Variants in KLHL2 observed in about 807,000 individuals in gnomAD.
KLHL2 encodes kelch like family member 2, also known as kelch-like protein 2.
Under a neutral mutation model 75.8 loss-of-function variants are expected in KLHL2, and 15 were observed. That is an observed-to-expected ratio of 0.20 (90% CI 0.13 to 0.30). KLHL2 has a LOEUF of 0.30. Among genes scored for constraint, KLHL2 ranks in the 10% least tolerant of loss-of-function variants. KLHL2 has a pLI of 1.00. For synonymous variants in KLHL2, 214 were observed against 251.9 expected (o/e 0.85, Z 1.42); for missense variants, 381 against 741.0 (o/e 0.51, Z 5.64).
At chr4:165,281,898 T>C (rs1380013108) in intron 5 of KLHL2, among the ~76,000 whole-genome samples, 2 of 152,236 alleles carry the variant, frequency 1.3e-5, no homozygotes, top group East Asian at 1.9e-4. Flanking sequence ...ATTGCAGTTA[T>C]GGTATTTGTT....
At chr4:165,320,873 C>A (rs1746923564) in intron 14 of KLHL2, among the ~76,000 whole-genome samples, 1 of 152,092 alleles carries the variant, frequency 6.6e-6, no homozygotes, top group Non-Finnish European at 1.5e-5. Flanking sequence ...TGGAGAAATT[C>A]AAGAGCTAAT....
rs761019129 is a variant in KLHL2 at position 165,238,821 on chromosome 4, G to T, written c.303G>T (p.Glu101Asp). The change falls in exon 4 of 15, where the codon GAG (glutamate) becomes GAT (aspartate). Residue 101 changes from glutamate to aspartate, a missense_variant. Physicochemically the swap from Glu to Asp is conservative, Grantham distance 45. Transcript: ENST00000226725. ...ESRAKRVRIK[E>D]VDGWTLRMLI... ...GAGCAAAGAGAGTTAGAATAAAAGA[G>T]GTAGATGGCTGGACCCTGAGGATGC... The T allele has an allele frequency of 2.5e-6, 4 of 1,614,014 alleles. No homozygotes were observed. Among genetic ancestry groups the T allele is most frequent in the Non-Finnish European group, 2.5e-6 (3 of 1,180,014 alleles).
At chr4:165,302,660 T>C (rs1745431592) in intron 8 of KLHL2, among the ~76,000 whole-genome samples, 1 of 152,190 alleles carries the variant, frequency 6.6e-6, no homozygotes, top group Non-Finnish European at 1.5e-5. Flanking sequence ...GGAATCTGTA[T>C]TTTTATAAGG....
intron 5 of KLHL2, chr4:165,279,065 A>G: frequency 2.0e-6 from 3 of 1,519,440 alleles, no homozygotes; most frequent in Non-Finnish European, 2.7e-6. Context: ...TGTACAGTGG[A>G]CACCTCCATT....
At chr4:165,210,928 T>A (rs1242403340) in intron 1 of KLHL2, among the ~76,000 whole-genome samples, 10 of 151,360 alleles carry the variant, frequency 6.6e-5, no homozygotes, top group African/African-American at 2.5e-4. Context: ...CAAGTCGGCT[T>A]ACTCTCTGTA....
At chr4:165,249,464 G>C (rs1740515329) in intron 4 of KLHL2, among the ~76,000 whole-genome samples, 1 of 152,160 alleles carries the variant, frequency 6.6e-6, no homozygotes, top group African/African-American at 2.4e-5. Flanking sequence ...CAAGGAAAGG[G>C]AATTTACTTC....
chr4:165,277,781 ACACAC>A, intron 5 of KLHL2: 3 of 595,014 alleles, frequency 5.0e-6, no homozygotes, highest in Non-Finnish European at 6.0e-6. Flanking sequence ...ACACACACAC[ACACAC>A]CAAATATTTC....
intron 8 of KLHL2, among the ~76,000 whole-genome samples, chr4:165,304,920 A>G (rs1745611233): frequency 6.6e-6 from 1 of 152,186 alleles, no homozygotes; most frequent in African/African-American, 2.4e-5. Flanking sequence ...GGCATTTAGT[A>G]AATAGTTGTT....
At chr4:165,260,343 T>C (rs1741552260) in intron 4 of KLHL2, among the ~76,000 whole-genome samples, 1 of 152,208 alleles carries the variant, frequency 6.6e-6, no homozygotes, top group African/African-American at 2.4e-5. Context: ...CACGTTTCAC[T>C]GTCATCAAAA....
intron 1 of KLHL2, among the ~76,000 whole-genome samples, chr4:165,218,619 C>A (rs532529205): frequency 6.6e-6 from 1 of 152,248 alleles, no homozygotes; most frequent in South Asian, 2.1e-4. Flanking sequence ...CTTTCCCTTT[C>A]CCCCCACCAG....
intron 3 of KLHL2, among the ~76,000 whole-genome samples, chr4:165,231,657 A>G (rs1738903721): frequency 6.6e-6 from 1 of 152,150 alleles, no homozygotes; most frequent in African/African-American, 2.4e-5. Context: ...TCCATTTACC[A>G]GTTGATGGAT....
At chr4:165,209,442 A>G (rs1268808335) in intron 1 of KLHL2, 1 of 152,276 alleles carries the variant, frequency 6.6e-6, no homozygotes, top group African/African-American at 2.4e-5. Context: ...AGGAAAGAAC[A>G]AGGGAATACT....
intron 3 of KLHL2, among the ~76,000 whole-genome samples, chr4:165,229,955 T>A (rs1021998246): frequency 1.3e-5 from 2 of 152,232 alleles, no homozygotes; most frequent in Non-Finnish European, 2.9e-5. Flanking sequence ...CCTTTTATGA[T>A]CTTGCTCTTC....
At chr4:165,211,246 A>G in intron 1 of KLHL2, among the ~76,000 whole-genome samples, 1 of 152,254 alleles carries the variant, frequency 6.6e-6, no homozygotes, top group East Asian at 1.9e-4. Context: ...TTATTTATGA[A>G]ACAACAATGA....
intron 3 of KLHL2, among the ~76,000 whole-genome samples, chr4:165,232,082 T>C (rs1487056439): frequency 6.6e-6 from 1 of 152,194 alleles, no homozygotes; most frequent in Non-Finnish European, 1.5e-5. Flanking sequence ...AGATGTTATT[T>C]GACTTTTTAG....
chr4:165,210,199 A>G (rs1258582760), intron 1 of KLHL2: 1 of 1,550,282 alleles, frequency 6.5e-7, no homozygotes, highest in African/African-American at 1.4e-5. Flanking sequence ...CTGTTTATTA[A>G]TTCATTCAAT....
chr4:165,257,334 A>G (rs1741257389), intron 4 of KLHL2, among the ~76,000 whole-genome samples: 1 of 152,168 alleles, frequency 6.6e-6, no homozygotes, highest in Admixed American at 6.5e-5. Context: ...ATGTCTCAGA[A>G]CTGTCTTCTA....
intron 2 of KLHL2, among the ~76,000 whole-genome samples, chr4:165,220,698 A>G (rs565974381): frequency 6.6e-6 from 1 of 152,330 alleles, no homozygotes; most frequent in East Asian, 1.9e-4. Context: ...TAGGGCTTCT[A>G]ACTTACTGTG....
intron 5 of KLHL2, among the ~76,000 whole-genome samples, chr4:165,291,057 A>C (rs1358856192): frequency 2.0e-5 from 3 of 152,212 alleles, no homozygotes; most frequent in Non-Finnish European, 2.9e-5. Flanking sequence ...TTGATGTTTT[A>C]ATATGCAGTT....
Sources: allele counts gnomAD v4.1 joint callset (sites outside exome capture counted in the v4.1 genomes callset), GRCh38; gene constraint gnomAD v4.1.1; transcripts MANE v1.5; gene names NCBI Gene and HGNC (gene_info 2026-07-23, HGNC 2026-07-21).